Variants in ADGRV1 observed in about 807,000 individuals in gnomAD.
The protein encoded by ADGRV1 is G-protein coupled receptor 98.
ADGRV1 carries 359 observed loss-of-function variants against 596.2 expected under a neutral mutation model. The observed-to-expected ratio is 0.60, with a 90% CI of 0.55 to 0.66. The LOEUF (loss-of-function observed/expected upper bound fraction) is 0.66. Ranked by LOEUF, ADGRV1 falls within the 30% of genes least tolerant of loss-of-function variation. The pLI is 0.00. For synonymous variants in ADGRV1, 2,681 were observed against 2,679.2 expected (o/e 1.00, Z -0.02); for missense variants, 7,274 against 7,575.6 (o/e 0.96, Z 1.48).
chr5:90,884,013 A>G (rs752273051), intron 83 of ADGRV1, among the ~76,000 whole-genome samples: 2 of 152,168 alleles, frequency 1.3e-5, no homozygotes, highest in Non-Finnish European at 2.9e-5. Context: ...GTGTCAAGTT[A>G]GGAATCACAT....
chr5:90,955,321 G>C (rs949788), intron 83 of ADGRV1, among the ~76,000 whole-genome samples: 5 of 152,038 alleles, frequency 3.3e-5, no homozygotes, highest in African/African-American at 1.2e-4. Flanking sequence ...CTTGCTTTCT[G>C]TCTGAAAATA....
intron 79 of ADGRV1, among the ~76,000 whole-genome samples, chr5:90,851,395 A>T (rs938510481): frequency 6.6e-6 from 1 of 152,050 alleles, no homozygotes; most frequent in African/African-American, 2.4e-5. Flanking sequence ...TAAGAGAGAG[A>T]TCAAGACTAG....
intron 1 of ADGRV1, among the ~76,000 whole-genome samples, chr5:90,572,067 TCCCCCTA>T (rs1314455295): frequency 6.6e-6 from 1 of 152,142 alleles, no homozygotes; most frequent in Non-Finnish European, 1.5e-5. Context: ...CATTAGGGCT[TCCCCCTA>T]CCTCTTGTTA....
intron 85 of ADGRV1, among the ~76,000 whole-genome samples, chr5:91,014,136 C>CACACACA (rs1782962720): frequency 4.8e-4 from 17 of 35,698 alleles, no homozygotes; most frequent in African/African-American, 1.4e-3. Flanking sequence ...TTCACAATTG[C>CACACACA]CACACACACA....
At position 90,651,747 on chromosome 5, in the gene ADGRV1, A is replaced by C; in HGVS notation, c.3416+17A>C. 1 of 1,526,458 alleles carries C rather than the reference A, an allele frequency of 6.6e-7. No homozygotes were observed. Among genetic ancestry groups the C allele is most frequent in the Non-Finnish European group, 9.0e-7 (1 of 1,106,234 alleles). The allele number at this position is 1,526,458 out of a possible 1,614,324, so 94.6% of individuals were successfully genotyped here. A position where few individuals can be genotyped will look rare whatever the true frequency, so the allele number is the denominator to read the frequency against. ...TGCATTTTGGTAAGCATATGTAGAT[A>C]AGGCAAGTTTAAAATTGGGTGAAAT... On this transcript the variant is annotated intron_variant, in intron 18 of 89. Coordinates refer to ENST00000405460, the MANE Select transcript of ADGRV1 (RefSeq NM_032119.4).
intron 52 of ADGRV1, among the ~76,000 whole-genome samples, chr5:90,749,478 A>C (rs1580992087): frequency 2.0e-5 from 3 of 152,216 alleles, no homozygotes; most frequent in Non-Finnish European, 2.9e-5. Context: ...GCAAGATTTT[A>C]TTACTATGTA....
At chr5:90,861,447 C>T (rs1425491841) in intron 82 of ADGRV1, among the ~76,000 whole-genome samples, 11 of 151,854 alleles carry the variant, frequency 7.2e-5, no homozygotes, top group Admixed American at 7.2e-4. Context: ...GTAGCTGGGA[C>T]TACAGGTGCG....
intron 38 of ADGRV1, among the ~76,000 whole-genome samples, chr5:90,707,907 G>T (rs1421787071): frequency 6.6e-6 from 1 of 151,986 alleles, no homozygotes; most frequent in African/African-American, 2.4e-5. Flanking sequence ...GAAGTATTGC[G>T]TGGGGGGTGG....
chr5:90,596,942 G>A (rs1484344316), intron 1 of ADGRV1, among the ~76,000 whole-genome samples: 4 of 152,172 alleles, frequency 2.6e-5, no homozygotes, highest in African/African-American at 9.7e-5. Flanking sequence ...AAAAAGAGTG[G>A]TGGGTGGTCT....
chr5:90,587,555 C>CTTTTTTTTTTTTTTTTT (rs35819836), intron 1 of ADGRV1, among the ~76,000 whole-genome samples: 1 of 138,518 alleles, frequency 7.2e-6, no homozygotes, highest in Non-Finnish European at 1.6e-5. Context: ...TTTTCTGTGT[C>CTTTTTTTTTTTTTTTTT]TTTTTTTTTT....
chr5:91,067,163 A>C (rs572524720), intron 85 of ADGRV1, among the ~76,000 whole-genome samples: 2 of 69,140 alleles, frequency 2.9e-5, no homozygotes, highest in Non-Finnish European at 6.0e-5. Context: ...TTTTTTTTTG[A>C]GACGGAGTCT....
At chr5:90,743,621 AC>A (rs1451252619) in intron 50 of ADGRV1, among the ~76,000 whole-genome samples, 2 of 151,606 alleles carry the variant, frequency 1.3e-5, no homozygotes, top group African/African-American at 4.8e-5. Context: ...ACAGGTGCCC[AC>A]CACCATGCCC....
intron 87 of ADGRV1, among the ~76,000 whole-genome samples, chr5:91,116,157 T>C (rs1465525930): frequency 6.6e-6 from 1 of 152,220 alleles, no homozygotes; most frequent in Admixed American, 6.5e-5. Flanking sequence ...TTTAGATAGA[T>C]AGGTCTGGGA....
intron 83 of ADGRV1, among the ~76,000 whole-genome samples, chr5:90,889,364 G>A (rs1727404161): frequency 1.3e-5 from 2 of 152,086 alleles, no homozygotes; most frequent in African/African-American, 4.8e-5. Context: ...ATTAACATCA[G>A]CATTGTGGTC....
rs909671768 is a variant in ADGRV1, at chr5:90,647,681, A to G, written c.3206A>G (p.Gln1069Arg). Residue 1069 changes from glutamine to arginine, a missense_variant, in exon 17 of 90, where the codon CAG becomes CGG. Gln to Arg is a conservative substitution (Grantham distance 43). Coordinates refer to ENST00000405460, the MANE Select transcript of ADGRV1 (RefSeq NM_032119.4). ...CTCATTTTTGAGGTTGGAAGTAGACAGCAGAGCATATCCATATTTGTTAAT... is the reference window on the plus strand; with the variant it reads ...CTCATTTTTGAGGTTGGAAGTAGACGGCAGAGCATATCCATATTTGTTAAT... ...ETLIFEVGSR[Q>R]QSISIFVNED... is the part of the protein sequence containing the mutation. 1.9e-6 allele frequency: 3 copies of G among 1,613,950 alleles called. No individual in the cohort carries two copies. In the Admixed American group the frequency reaches 5.0e-5, roughly 27 times the overall value.
intron 1 of ADGRV1, among the ~76,000 whole-genome samples, chr5:90,598,354 A>G (rs1727071162): frequency 6.6e-6 from 1 of 152,266 alleles, no homozygotes; most frequent in Admixed American, 6.5e-5. Flanking sequence ...ACTTGTGTCC[A>G]TGAACGAAAA....
At chr5:91,147,638 G>A (rs1195348808) in intron 87 of ADGRV1, among the ~76,000 whole-genome samples, 2 of 152,164 alleles carry the variant, frequency 1.3e-5, no homozygotes, top group African/African-American at 4.8e-5. Flanking sequence ...CAGCTGTGTG[G>A]AACTGAGTCA....
intron 57 of ADGRV1, 141 bp from the exon 58 acceptor site, chr5:90,759,268 T>C (rs1281751058): frequency 1.3e-5 from 8 of 606,230 alleles, no homozygotes; most frequent in Admixed American, 3.1e-5. Context: ...TTTAGTACCA[T>C]GTTTCTGAGA....
intron 1 of ADGRV1, among the ~76,000 whole-genome samples, chr5:90,572,919 AACAG>A (rs1215415965): frequency 1.3e-5 from 2 of 152,150 alleles, no homozygotes; most frequent in African/African-American, 4.8e-5. Context: ...GGGTGGATAA[AACAG>A]ACAGGTGGCA....
Sources: gnomAD v4.1 joint callset for allele counts (sites outside exome capture counted in the v4.1 genomes callset) on GRCh38, gnomAD v4.1.1 for gene constraint, MANE v1.5 for transcripts, NCBI Gene and HGNC (gene_info 2026-07-23, HGNC 2026-07-21) for gene names.